The following NCAM2 variants were observed in gnomAD, a reference collection of about 807,000 sequenced individuals.
NCAM2 encodes the protein N-CAM-2.
Under a neutral mutation model 98.1 loss-of-function variants are expected in NCAM2, and 30 were observed. The ratio of observed to expected loss-of-function variants is 0.31; its 90% CI spans 0.23 to 0.41. The LOEUF (loss-of-function observed/expected upper bound fraction) is 0.41, where lower values mean the gene tolerates loss of function less well. Among genes scored for constraint, NCAM2 ranks in the 10% least tolerant of loss-of-function variants. NCAM2 has a pLI of 1.00. For missense variants in NCAM2, 867 were observed against 1,005.8 expected, an observed-to-expected ratio of 0.86 and a Z score of 1.87; for synonymous variants, 368 against 342.4, an observed-to-expected ratio of 1.07 and a Z score of -0.83.
chr21:21,264,322 T>C (rs925251802), intron 1 of NCAM2, among the ~76,000 whole-genome samples: 1 of 152,012 alleles, frequency 6.6e-6, no homozygotes, highest in Non-Finnish European at 1.5e-5. Flanking sequence ...CCAGAATGGC[T>C]ATTATTAAAA....
In NCAM2 at chr21:21,005,809, C is replaced by T. The variant is rs376952692; in HGVS notation, c.55+7191C>T. On this transcript the variant is annotated intron_variant, in intron 1 of 17. Coordinates refer to ENST00000400546, the MANE Select transcript of NCAM2 (RefSeq NM_004540.5). ...AATAAAATCCAGGAGAACGCCCCCC[C>T]CAAAAAAAAAACCCTAAAAACTGAC... is the stretch of plus-strand genomic sequence containing the variant. Among the ~76,000 whole-genome samples, 7 of 150,044 alleles carry T rather than the reference C, an allele frequency of 4.7e-5. No individual in the cohort carries two copies. The East Asian group carries it at 7.8e-4, about 17-fold the overall frequency.
chr21:21,223,126 C>T (rs191649956), intron 1 of NCAM2, among the ~76,000 whole-genome samples: 3 of 152,132 alleles, frequency 2.0e-5, no homozygotes. Flanking sequence ...TCATTTAGCA[C>T]TCTTAGTCCT....
intron 5 of NCAM2, among the ~76,000 whole-genome samples, chr21:21,295,574 T>G (rs1035525242): frequency 6.6e-6 from 1 of 151,816 alleles, no homozygotes; most frequent in Non-Finnish European, 1.5e-5. Flanking sequence ...AAATCAAACT[T>G]CAAGAAAACA....
intron 9 of NCAM2, among the ~76,000 whole-genome samples, chr21:21,408,618 A>T (rs1340538299): frequency 6.6e-6 from 1 of 152,134 alleles, no homozygotes; most frequent in African/African-American, 2.4e-5. Context: ...TTGATTGGGC[A>T]TATAATAGAC....
At chr21:21,129,713 C>G (rs1394439037) in intron 1 of NCAM2, among the ~76,000 whole-genome samples, 1 of 152,110 alleles carries the variant, frequency 6.6e-6, no homozygotes, top group Admixed American at 6.6e-5. Context: ...TTAATACTAT[C>G]ATGTGGGGGA....
intron 6 of NCAM2, among the ~76,000 whole-genome samples, chr21:21,329,974 A>G (rs2074626598): frequency 6.6e-6 from 1 of 151,872 alleles, no homozygotes; most frequent in Non-Finnish European, 1.5e-5. Context: ...TTCAATTTGC[A>G]TGTTTTCTGT....
intron 1 of NCAM2, among the ~76,000 whole-genome samples, chr21:21,212,835 C>T (rs1221746386): frequency 1.3e-5 from 2 of 151,802 alleles, no homozygotes; most frequent in South Asian, 2.1e-4. Context: ...CACCGCCTCC[C>T]GGGCTCACGC....
intron 8 of NCAM2, among the ~76,000 whole-genome samples, chr21:21,365,443 G>C (rs938751483): frequency 6.6e-6 from 1 of 151,796 alleles, no homozygotes; most frequent in Non-Finnish European, 1.5e-5. Flanking sequence ...TCTCAGAAGA[G>C]AGACTGGACA....
chr21:21,099,747 C>T (rs1021692121), intron 1 of NCAM2, among the ~76,000 whole-genome samples: 1 of 151,836 alleles, frequency 6.6e-6, no homozygotes, highest in Non-Finnish European at 1.5e-5. Flanking sequence ...CAAGTGTCAA[C>T]AGCAGTATTG....
chr21:21,473,654 G>C (rs773289473), intron 14 of NCAM2, among the ~76,000 whole-genome samples: 1 of 151,778 alleles, frequency 6.6e-6, no homozygotes, highest in East Asian at 1.9e-4. Flanking sequence ...TAATTGTTCA[G>C]TTTATATTTA....
chr21:21,498,524 A>G (rs1162064362), intron 15 of NCAM2, among the ~76,000 whole-genome samples: 1 of 152,152 alleles, frequency 6.6e-6, no homozygotes, highest in East Asian at 1.9e-4. Context: ...CTCTCATTCA[A>G]TTATTTCTGT....
intron 1 of NCAM2, among the ~76,000 whole-genome samples, chr21:21,116,999 A>T (rs1208468191): frequency 1.3e-5 from 2 of 152,238 alleles, no homozygotes; most frequent in African/African-American, 4.8e-5. Context: ...TTGTGTTTTT[A>T]AATTTTAAAA....
At chr21:21,474,952 T>C (rs1984965409) in intron 14 of NCAM2, among the ~76,000 whole-genome samples, 1 of 151,152 alleles carries the variant, frequency 6.6e-6, no homozygotes, top group African/African-American at 2.4e-5. Flanking sequence ...GGGTTGACTT[T>C]TTAAGCTTTT....
rs574938831 is a variant in NCAM2, at chr21:21,471,061, A to T, written c.1896+2278A>T. 2.6e-5 allele frequency among the ~76,000 whole-genome samples: 4 copies of T among 151,990 alleles called. No individual in the cohort carries two copies. The East Asian group carries it at 7.8e-4, about 30-fold the overall frequency. On this transcript the variant is annotated intron_variant, in intron 14 of 17. Coordinates refer to ENST00000400546, the MANE Select transcript of NCAM2 (RefSeq NM_004540.5). Reference sequence around the variant, plus strand: ...GACTTGGTGGGGAGAGGGAACAGACATCAGAATGTAATTCATAACAGTCTA... The same window carrying T: ...GACTTGGTGGGGAGAGGGAACAGACTTCAGAATGTAATTCATAACAGTCTA...
At chr21:21,518,361 G>A (rs1054355097) in intron 16 of NCAM2, among the ~76,000 whole-genome samples, 1 of 152,026 alleles carries the variant, frequency 6.6e-6, no homozygotes, top group African/African-American at 2.4e-5. Flanking sequence ...ATTGGACATG[G>A]AATAAACTAA....
At chr21:21,411,332 CT>C (rs538577929) in intron 10 of NCAM2, among the ~76,000 whole-genome samples, 2 of 148,892 alleles carry the variant, frequency 1.3e-5, no homozygotes, top group Admixed American at 1.4e-4. Context: ...TGTGGTATAG[CT>C]TTTTTTTCTT....
At chr21:21,262,199 C>A (rs2071930052) in intron 1 of NCAM2, among the ~76,000 whole-genome samples, 1 of 152,006 alleles carries the variant, frequency 6.6e-6, no homozygotes, top group Non-Finnish European at 1.5e-5. Flanking sequence ...AAGTTACAAA[C>A]TTGAATCAGT....
chr21:21,280,856 A>G (rs973450400), intron 2 of NCAM2, among the ~76,000 whole-genome samples: 5 of 150,040 alleles, frequency 3.3e-5, no homozygotes, highest in Non-Finnish European at 7.4e-5. Context: ...ATCTCGGCTC[A>G]CTGCAATCTC....
intron 15 of NCAM2, among the ~76,000 whole-genome samples, chr21:21,496,490 TC>T (rs1447412813): frequency 6.6e-6 from 1 of 152,086 alleles, no homozygotes; most frequent in Non-Finnish European, 1.5e-5. Context: ...TGATTTAAGT[TC>T]CCCATAGATT....
Sources: gnomAD v4.1 joint callset for allele counts (sites outside exome capture counted in the v4.1 genomes callset) on GRCh38, gnomAD v4.1.1 for gene constraint, MANE v1.5 for transcripts, NCBI Gene and HGNC (gene_info 2026-07-23, HGNC 2026-07-21) for gene names.